VSTM2L: variants seen among roughly 807,000 people sequenced by gnomAD.
The protein encoded by VSTM2L is V-set and transmembrane domain-containing protein 2-like protein.
Under a neutral mutation model 19.9 loss-of-function variants are expected in VSTM2L, and 9 were observed. That is an observed-to-expected ratio of 0.45 (90% CI 0.27 to 0.79). VSTM2L has a LOEUF of 0.79. VSTM2L is among the 30% of genes least tolerant of loss of function. VSTM2L has a pLI of 0.15. For synonymous variants in VSTM2L, 127 were observed against 133.8 expected (o/e 0.95, Z 0.35); for missense variants, 286 against 295.5 (o/e 0.97, Z 0.24).
At chr20:37,904,921 G>A (rs915658004) in intron 1 of VSTM2L, among the ~76,000 whole-genome samples, 2 of 152,046 alleles carry the variant, frequency 1.3e-5, no homozygotes, top group African/African-American at 4.8e-5. Context: ...TACCCTTCAT[G>A]CCCCTCACCT....
chr20:37,944,161 GA>G lies in VSTM2L; in HGVS notation c.525del (p.Ala176ProfsTer17), dbSNP rs2122984460. 1 of 1,575,326 alleles carries G rather than the reference GA, an allele frequency of 6.3e-7. No individual in the cohort carries two copies. Among genetic ancestry groups the G allele is most frequent in the East Asian group, 2.3e-5 (1 of 42,650 alleles). ...PGENSVLHLP[E>X]APPAAPAPPP... ...GGAGAACTCCGTCCTGCATCTGCCC[GA>G]AGCCCCTCCCGCCGCGCCCGCCCCG... On this transcript the variant is annotated frameshift_variant, in exon 4 of 4. Transcript: ENST00000373461. LOFTEE classifies it high-confidence loss of function.
At chr20:37,929,040 G>T (rs2072894155) in intron 1 of VSTM2L, among the ~76,000 whole-genome samples, 1 of 152,240 alleles carries the variant, frequency 6.6e-6, no homozygotes, top group Admixed American at 6.5e-5. Context: ...ATGGCAGAAA[G>T]TCCTGTTGGC....
At chr20:37,917,867 C>T (rs980255737) in intron 1 of VSTM2L, among the ~76,000 whole-genome samples, 8 of 152,202 alleles carry the variant, frequency 5.3e-5, no homozygotes, top group Admixed American at 4.6e-4. Context: ...TCACCAGGGG[C>T]AACATTTCTT....
chr20:37,944,178 G>GCCCCCCCCCCCCCCCCCCCAGC lies in VSTM2L; in HGVS notation c.543_544insCCCCCCCCCCCCCCCCAGCCCC (p.Ala182ProfsTer33). 1 of 1,517,048 alleles carries GCCCCCCCCCCCCCCCCCCCAGC rather than the reference G, an allele frequency of 6.6e-7. No individual in the cohort carries two copies. Among genetic ancestry groups the GCCCCCCCCCCCCCCCCCCCAGC allele is most frequent in the Non-Finnish European group, 8.9e-7 (1 of 1,128,390 alleles). 94.0% of individuals were successfully genotyped at this position (1,517,048 alleles called of 1,614,324 possible). A position where few individuals can be genotyped will look rare whatever the true frequency, so the allele number is the denominator to read the frequency against. On this transcript the variant is annotated frameshift_variant, in exon 4 of 4. Coordinates refer to ENST00000373461, the MANE Select transcript of VSTM2L (RefSeq NM_080607.3). LOFTEE classifies it high-confidence loss of function. ...ATCTGCCCGAAGCCCCTCCCGCCGC[G>GCCCCCCCCCCCCCCCCCCCAGC]CCCGCCCCGCCGCCCCCCAAGCCAG...
chr20:37,936,095 C>A (rs1342372244), intron 3 of VSTM2L, among the ~76,000 whole-genome samples: 1 of 151,024 alleles, frequency 6.6e-6, no homozygotes, highest in African/African-American at 2.4e-5. Flanking sequence ...AGGGTTTCAC[C>A]ATGTTGACCA....
At chr20:37,931,012 AAG>A (rs1412429450) in intron 1 of VSTM2L, among the ~76,000 whole-genome samples, 2 of 152,212 alleles carry the variant, frequency 1.3e-5, no homozygotes, top group African/African-American at 4.8e-5. Context: ...CAGCCGGGCA[AAG>A]AGGGGTGGAG....
chr20:37,907,452 G>A (rs1268999438), intron 1 of VSTM2L, among the ~76,000 whole-genome samples: 2 of 152,174 alleles, frequency 1.3e-5, no homozygotes, highest in Non-Finnish European at 2.9e-5. Context: ...CATGCAGCCT[G>A]GGATTTGGAA....
chr20:37,943,883 T>A, intron 3 of VSTM2L, 98 bp from the exon 4 acceptor site: 1 of 1,294,120 alleles, frequency 7.7e-7, no homozygotes. Flanking sequence ...TTTCTGGGGC[T>A]CCCGTCCTAG....
chr20:37,942,511 T>C (rs1403855502), intron 3 of VSTM2L, among the ~76,000 whole-genome samples: 1 of 152,138 alleles, frequency 6.6e-6, no homozygotes, highest in Non-Finnish European at 1.5e-5. Context: ...GGCAGCAACA[T>C]GGAGAAATCT....
chr20:37,913,154 G>A (rs2072790603), intron 1 of VSTM2L, among the ~76,000 whole-genome samples: 1 of 152,124 alleles, frequency 6.6e-6, no homozygotes, highest in Admixed American at 6.5e-5. Flanking sequence ...AAAGCTGGAG[G>A]GGACACTGAC....
intron 1 of VSTM2L, 75 bp from the exon 2 acceptor site, chr20:37,931,560 C>T (rs1414625898): frequency 9.6e-6 from 14 of 1,456,508 alleles, no homozygotes; most frequent in East Asian, 7.1e-5. Context: ...GCTGTTCCTA[C>T]GTTCTCCACC....
chr20:37,926,448 G>A (rs533950796), intron 1 of VSTM2L, among the ~76,000 whole-genome samples: 81 of 152,178 alleles, frequency 5.3e-4, no homozygotes, highest in Non-Finnish European at 9.3e-4. Flanking sequence ...CAGCTACTTG[G>A]GAGGCTGAGG....
Position 37,944,294 on chromosome 20 carries a change from C to G in VSTM2L, c.*41C>G. The G allele has an allele frequency of 1.4e-6, 2 of 1,432,636 alleles. No individual in the cohort carries two copies. Among genetic ancestry groups the G allele is most frequent in the Non-Finnish European group, 1.8e-6 (2 of 1,086,304 alleles). The allele number at this position is 1,432,636 out of a possible 1,614,324, so 88.7% of individuals were successfully genotyped here. On this transcript the variant is annotated 3_prime_UTR_variant, in exon 4 of 4. Coordinates refer to ENST00000373461, the MANE Select transcript of VSTM2L (RefSeq NM_080607.3). The stretch of plus-strand genomic sequence containing the variant: ...CCCGCCCATCCGCCCCCACGCTGTA[C>G]AGAGTGCATGAGGAGCCGCCGGACC...
intron 1 of VSTM2L, among the ~76,000 whole-genome samples, chr20:37,911,235 C>CAAAAAA (rs11352183): frequency 2.0e-4 from 9 of 45,756 alleles, no homozygotes; most frequent in East Asian, 5.9e-4. Context: ...GACTCCATCT[C>CAAAAAA]AAAAAAAAAA....
At chr20:37,941,633 G>A (rs2072972710) in intron 3 of VSTM2L, among the ~76,000 whole-genome samples, 1 of 152,132 alleles carries the variant, frequency 6.6e-6, no homozygotes, top group Admixed American at 6.5e-5. Context: ...TCTAGGAGCT[G>A]GGGCTTGGCA....
intron 1 of VSTM2L, among the ~76,000 whole-genome samples, chr20:37,925,513 C>T (rs549732874): frequency 6.4e-4 from 97 of 152,274 alleles, no homozygotes; most frequent in Non-Finnish European, 1.1e-3. Flanking sequence ...CAGCGGGCTT[C>T]TCCCTCCGGG....
intron 1 of VSTM2L, among the ~76,000 whole-genome samples, chr20:37,914,126 T>C (rs6021838): frequency 0.012 from 1,823 of 151,800 alleles, 40 homozygotes; most frequent in African/African-American, 0.039. Context: ...TGTGTGTGTG[T>C]GCGCGCACGA....
At chr20:37,920,246 C>T (rs2072842748) in intron 1 of VSTM2L, among the ~76,000 whole-genome samples, 1 of 152,222 alleles carries the variant, frequency 6.6e-6, no homozygotes. Context: ...ACACATGTCC[C>T]TGAGCCTCAG....
In VSTM2L at chr20:37,944,870, G is replaced by C. The variant is rs546523323; in HGVS notation, c.*617G>C. ...GTCCTTCCTGTTCAGCTCCCTGTGC[G>C]ACCCTCCAGGGATGCAGGGGATCCA... On this transcript the variant is annotated 3_prime_UTR_variant, in exon 4 of 4. Transcript: ENST00000373461. 4.0e-5 allele frequency: 39 copies of C among 985,834 alleles called. No individual in the cohort carries two copies. The highest frequency in any genetic ancestry group is 2.5e-4 in the Admixed American group (4 of 16,266). The allele number at this position is 985,834 out of a possible 1,614,324, so 61.1% of individuals were successfully genotyped here. A position where few individuals can be genotyped will look rare whatever the true frequency, so the allele number is the denominator to read the frequency against.
Sources: gnomAD v4.1 joint callset for allele counts (sites outside exome capture counted in the v4.1 genomes callset) on GRCh38, gnomAD v4.1.1 for gene constraint, MANE v1.5 for transcripts, NCBI Gene and HGNC (gene_info 2026-07-23, HGNC 2026-07-21) for gene names.